The following PLCG1 variants were observed in gnomAD, a reference collection of about 807,000 sequenced individuals.
PLCG1 encodes phospholipase C gamma 1, also known as 1-phosphatidylinositol 4,5-bisphosphate phosphodiesterase gamma-1.
PLCG1 carries 71 observed loss-of-function variants against 177.8 expected under a neutral mutation model. That is an observed-to-expected ratio of 0.40 (90% CI 0.33 to 0.49). The LOEUF is 0.49. PLCG1 is among the 20% of genes least tolerant of loss of function. The probability of loss-of-function intolerance (pLI) is 0.72; values close to 1 mark genes in which losing one functional copy is unlikely to be tolerated. For missense variants in PLCG1, 1,281 were observed against 1,709.0 expected, an observed-to-expected ratio of 0.75 and a Z score of 4.42; for synonymous variants, 658 against 647.9, an observed-to-expected ratio of 1.02 and a Z score of -0.24.
intron 24 of PLCG1, chr20:41,170,559 G>A (rs998261789): frequency 6.0e-6 from 2 of 335,848 alleles, no homozygotes; most frequent in Admixed American, 4.6e-5. Flanking sequence ...GTCCTGGGCT[G>A]GAAGCAGGAG....
intron 1 of PLCG1, among the ~76,000 whole-genome samples, chr20:41,141,627 A>G (rs2034830406): frequency 6.6e-6 from 1 of 152,234 alleles, no homozygotes; most frequent in Non-Finnish European, 1.5e-5. Flanking sequence ...ACATGTCCGG[A>G]TCTCCAGAGC....
intron 1 of PLCG1, among the ~76,000 whole-genome samples, chr20:41,143,403 T>A (rs2034893683): frequency 6.6e-6 from 1 of 152,168 alleles, no homozygotes; most frequent in African/African-American, 2.4e-5. Context: ...TTTCCCCCTT[T>A]CCACTTGCTT....
rs1202988725 is a variant in PLCG1 at position 41,174,500 on chromosome 20, C to G, written c.3867C>G (p.Asn1289Lys). 1 of 1,586,970 alleles carries G rather than the reference C, an allele frequency of 6.3e-7. No individual in the cohort carries two copies. The highest frequency in any genetic ancestry group is 1.1e-5 in the South Asian group (1 of 87,384). Residue 1289 changes from asparagine (N) to lysine (K), a missense_variant, in exon 32 of 32, where the codon AAC becomes AAG. Physicochemically the swap from Asn to Lys is moderately conservative, Grantham distance 94. Around this residue, in one of 4 missense-constraint regions of PLCG1, gnomAD observed 153 missense variants for 153.2 expected, o/e 1.00. Coordinates refer to ENST00000685551, the MANE Select transcript of PLCG1 (RefSeq NM_002660.3). The surrounding 1 kb of genome is among the most constrained non-coding windows in gnomAD (Gnocchi z 5.8). ...APRRTRVNGD[N>K]RL Reference sequence around the variant, plus strand: ...GAAGGACTCGGGTCAATGGAGACAACCGCCTCTAGTTGTACCCCAGCCTCG... The same window carrying G: ...GAAGGACTCGGGTCAATGGAGACAAGCGCCTCTAGTTGTACCCCAGCCTCG...
At position 41,165,547 on chromosome 20, in the gene PLCG1, A is replaced by G. The variant is rs375856103; in HGVS notation, c.1607A>G (p.Lys536Arg). 103 of 1,613,582 alleles carry G rather than the reference A, an allele frequency of 6.4e-5. No individual in the cohort carries two copies. Among genetic ancestry groups the G allele is most frequent in the Non-Finnish European group, 8.4e-5 (99 of 1,179,622 alleles). ...GGCAACGAGGATGAGGAGGAGCCCAAGGAGGTGAGGAACCAGCTCAGGTCT... is the reference window on the plus strand; with the variant it reads ...GGCAACGAGGATGAGGAGGAGCCCAGGGAGGTGAGGAACCAGCTCAGGTCT... ...DQGNEDEEEP[K>R]EVSSSTELHS... is the part of the protein sequence containing the mutation. Residue 536 changes from lysine to arginine, a missense_variant, in exon 15 of 32, where the codon AAG (lysine) becomes AGG (arginine). Around this residue, in one of 4 missense-constraint regions of PLCG1, gnomAD observed 723 missense variants for 1,030.0 expected, o/e 0.70. Transcript: ENST00000685551. The surrounding 1 kb of genome is among the most constrained non-coding windows in gnomAD (Gnocchi z 6.6).
rs1383174532 is a variant in PLCG1 at position 41,174,513 on chromosome 20, T to C, written c.*4T>C. 2 of 1,583,604 alleles carry C rather than the reference T, an allele frequency of 1.3e-6. No homozygotes were observed. Among genetic ancestry groups the C allele is most frequent in the African/African-American group, 2.7e-5 (2 of 74,258 alleles). The stretch of plus-strand genomic sequence containing the variant: ...CAATGGAGACAACCGCCTCTAGTTG[T>C]ACCCCAGCCTCGTTGGAGAGCAGCA... On this transcript the variant is annotated 3_prime_UTR_variant, in exon 32 of 32. Transcript: ENST00000685551. This position sits in a 1 kb window ranked among gnomAD's most constrained non-coding sequence, Gnocchi z 5.8.
At position 41,159,455 on chromosome 20, in the gene PLCG1, C is replaced by T. The variant is rs2035423523; in HGVS notation, c.218-151C>T. 1.4e-6 allele frequency: 1 copy of T among 724,580 alleles called. No individual in the cohort carries two copies. The highest frequency in any genetic ancestry group is 2.7e-5 in the East Asian group (1 of 37,168). The allele number at this position is 724,580 out of a possible 1,614,324, so 44.9% of individuals were successfully genotyped here. On this transcript the variant is annotated intron_variant, in intron 1 of 31. Transcript: ENST00000685551. This position sits in a 1 kb window ranked among gnomAD's most constrained non-coding sequence, Gnocchi z 6.0. ...CTATCCCTAGACTCAACCCAGCCCT[C>T]TTATTACCAGAGTGACTGAGTGGTC...
intron 24 of PLCG1, among the ~76,000 whole-genome samples, chr20:41,171,667 C>T (rs963052136): frequency 6.7e-6 from 1 of 148,766 alleles, no homozygotes; most frequent in Admixed American, 6.7e-5. Context: ...AAGTGGGCTT[C>T]TGTAGAGATT....
Position 41,165,907 on chromosome 20 carries a change from AT to A in PLCG1, c.1799+84del, listed in dbSNP as rs2035671281. 1 of 1,199,872 alleles carries A rather than the reference AT, an allele frequency of 8.3e-7. No individual in the cohort carries two copies. The highest frequency in any genetic ancestry group is 2.3e-5 in the Admixed American group (1 of 44,318). The allele number at this position is 1,199,872 out of a possible 1,614,324, so 74.3% of individuals were successfully genotyped here. On this transcript the variant is annotated intron_variant, in intron 16 of 31. Coordinates refer to ENST00000685551, the MANE Select transcript of PLCG1 (RefSeq NM_002660.3). The surrounding 1 kb of genome is among the most constrained non-coding windows in gnomAD (Gnocchi z 6.6). ...CATCACCCAGAGATAATCAGTTAAC[AT>A]TTGAGCCTTTGATCCAGGACAATAA...
chr20:41,159,640 G>T lies in PLCG1; in HGVS notation c.252G>T (p.Gly84=). Residue 84 remains glycine (G), a synonymous_variant, in exon 2 of 32, where the codon GGG becomes GGT. Transcript: ENST00000685551. The surrounding 1 kb of genome is among the most constrained non-coding windows in gnomAD (Gnocchi z 6.0). Reference sequence around the variant, plus strand: ...GTGAAATTAAGGAGATCCGCCCAGGGAAGACCTCACGGGACTTTGATCGCT... The same window carrying T: ...GTGAAATTAAGGAGATCCGCCCAGGTAAGACCTCACGGGACTTTGATCGCT... ...DIREIKEIRP[G]KTSRDFDRYQ... 1 of 1,614,216 alleles carries T rather than the reference G, an allele frequency of 6.2e-7. No homozygotes were observed. The highest frequency in any genetic ancestry group is 8.5e-7 in the Non-Finnish European group (1 of 1,180,038).
Position 41,137,728 on chromosome 20 carries a change from C to T in PLCG1, c.87C>T (p.Leu29=). The T allele has an allele frequency of 1.5e-6, 2 of 1,315,650 alleles. No homozygotes were observed. The highest frequency in any genetic ancestry group is 1.5e-5 in the African/African-American group (1 of 65,144). 81.5% of individuals were successfully genotyped at this position (1,315,650 alleles called of 1,614,324 possible). A position where few individuals can be genotyped will look rare whatever the true frequency, so the allele number is the denominator to read the frequency against. Reference sequence around the variant, plus strand: ...AGGTGCTGCACCTCTGCCGCAGCCTCGAGGTGGGCACCGTCATGACTTTGT... The same window carrying T: ...AGGTGCTGCACCTCTGCCGCAGCCTTGAGGTGGGCACCGTCATGACTTTGT... ...DAEVLHLCRS[L]EVGTVMTLFY... is the part of the protein sequence containing the mutation. Residue 29 remains leucine, a synonymous_variant, in exon 1 of 32, where the codon CTC becomes CTT. Coordinates refer to ENST00000685551, the MANE Select transcript of PLCG1 (RefSeq NM_002660.3). The surrounding 1 kb of genome is among the most constrained non-coding windows in gnomAD (Gnocchi z 7.3).
In PLCG1 at chr20:41,165,550, A is replaced by T. The variant is rs369785655; in HGVS notation, c.1610A>T (p.Glu537Val). 41 of 1,613,416 alleles carry T rather than the reference A, an allele frequency of 2.5e-5. No homozygotes were observed. The highest frequency in any genetic ancestry group is 3.5e-5 in the Non-Finnish European group (41 of 1,179,498). ...AACGAGGATGAGGAGGAGCCCAAGG[A>T]GGTGAGGAACCAGCTCAGGTCTGGG... is the stretch of plus-strand genomic sequence containing the variant. ...QGNEDEEEPK[E>V]VSSSTELHSN... Residue 537 changes from glutamate (E) to valine (V), a missense_variant and splice_region_variant, in exon 15 of 32, where the codon GAG becomes GTG. By Grantham distance (121) the Glu-to-Val change is moderately radical (BLOSUM62 -2). Coordinates refer to ENST00000685551, the MANE Select transcript of PLCG1 (RefSeq NM_002660.3). This position sits in a 1 kb window ranked among gnomAD's most constrained non-coding sequence, Gnocchi z 6.6.
chr20:41,139,857 G>T (rs1323720982), intron 1 of PLCG1, among the ~76,000 whole-genome samples: 1 of 152,150 alleles, frequency 6.6e-6, no homozygotes, highest in Non-Finnish European at 1.5e-5. Flanking sequence ...TCAGAAAAAG[G>T]CAGGAAACAG....
rs1361242849 is a variant in PLCG1 at position 41,177,053 on chromosome 20, G to A, written c.*2544G>A. On this transcript the variant is annotated 3_prime_UTR_variant, in exon 32 of 32. Coordinates refer to ENST00000685551, the MANE Select transcript of PLCG1 (RefSeq NM_002660.3). The stretch of plus-strand genomic sequence containing the variant: ...AAGGTGATTTAAATGAGTAACAAGG[G>A]TTGAAAAACCCTGATTTTGGCAGCA... 1 of 152,244 alleles carries A rather than the reference G, an allele frequency of 6.6e-6. No homozygotes were observed. Among genetic ancestry groups the A allele is most frequent in the East Asian group, 1.9e-4 (1 of 5,194 alleles). The allele number at this position is 152,244 out of a possible 1,614,324, so 9.4% of individuals were successfully genotyped here. A position where few individuals can be genotyped will look rare whatever the true frequency, so the allele number is the denominator to read the frequency against.
intron 1 of PLCG1, among the ~76,000 whole-genome samples, chr20:41,139,729 G>A (rs1256048228): frequency 1.3e-5 from 2 of 152,176 alleles, no homozygotes; most frequent in Admixed American, 1.3e-4. Context: ...GACCGTGGCT[G>A]CCCTTCAAGA....
At chr20:41,162,619 C>T in intron 5 of PLCG1, 23 bp from the exon 6 acceptor site, 2 of 1,609,660 alleles carry the variant, frequency 1.2e-6, no homozygotes, top group South Asian at 2.2e-5. Flanking sequence ...GCCTGACTGG[C>T]ACTCCTGCTC....
intron 1 of PLCG1, among the ~76,000 whole-genome samples, chr20:41,140,499 C>G (rs1600626937): frequency 6.6e-6 from 1 of 152,328 alleles, no homozygotes; most frequent in East Asian, 1.9e-4. Context: ...GAGAGAGACA[C>G]TGTGCTACCT....
In PLCG1 at chr20:41,147,709, C is replaced by T. The variant is rs1427456165; in HGVS notation, c.217+9851C>T. The stretch of plus-strand genomic sequence containing the variant: ...ACTAAAAATACAAAAATTAACCAGG[C>T]GTGGTGTCAGGCGCCTGTAACCCAG... On this transcript the variant is annotated intron_variant, in intron 1 of 31. Coordinates refer to ENST00000685551, the MANE Select transcript of PLCG1 (RefSeq NM_002660.3). This position sits in a 1 kb window ranked among gnomAD's most constrained non-coding sequence, Gnocchi z 4.0. 1.3e-5 allele frequency among the ~76,000 whole-genome samples: 2 copies of T among 152,056 alleles called. No homozygotes were observed. The highest frequency in any genetic ancestry group is 2.4e-5 in the African/African-American group (1 of 41,386).
rs1219364873 is a variant in PLCG1 at position 41,159,738 on chromosome 20, T to C, written c.350T>C (p.Leu117Pro). Residue 117 changes from leucine to proline, a missense_variant, in exon 2 of 32, where the codon CTG becomes CCG. Leu to Pro is a moderately conservative substitution (Grantham distance 98). This residue lies in a region of PLCG1 where 374 missense variants were observed against 443.8 expected (regional missense o/e 0.84). Coordinates refer to ENST00000685551, the MANE Select transcript of PLCG1 (RefSeq NM_002660.3). The surrounding 1 kb of genome is among the most constrained non-coding windows in gnomAD (Gnocchi z 6.0). ...FVILYGMEFR[L>P]KTLSLQATSE... Reference sequence around the variant, plus strand: ...ATTCTCTATGGAATGGAATTTCGCCTGAAAACGCTGAGCCTGCAAGGTGGG... The same window carrying C: ...ATTCTCTATGGAATGGAATTTCGCCCGAAAACGCTGAGCCTGCAAGGTGGG... The C allele has an allele frequency of 6.2e-7, 1 of 1,614,074 alleles. No individual in the cohort carries two copies.
chr20:41,168,710 G>T, intron 20 of PLCG1, 57 bp from the exon 21 acceptor site: 1 of 1,057,794 alleles, frequency 9.5e-7, no homozygotes, highest in Non-Finnish European at 1.5e-6. Context: ...TGAAGCCCCA[G>T]GTTGGCAGTG....
Sources: allele counts gnomAD v4.1 joint callset (sites outside exome capture counted in the v4.1 genomes callset), GRCh38; gene constraint gnomAD v4.1.1; regional missense constraint gnomAD v4.1.1; non-coding constraint Gnocchi (gnomAD v3.1); transcripts MANE v1.5; gene names NCBI Gene and HGNC (gene_info 2026-07-23, HGNC 2026-07-21).